The following SLC23A2 variants were observed in gnomAD, a reference collection of about 807,000 sequenced individuals.
SLC23A2 encodes solute carrier family 23 member 2, also known as Na(+)/L-ascorbic acid transporter 2.
In SLC23A2, 36 loss-of-function variants were observed where a neutral mutation model predicts 73.3. That is an observed-to-expected ratio of 0.49 (90% CI 0.38 to 0.65). The LOEUF is 0.65. Among genes scored for constraint, SLC23A2 ranks in the 30% least tolerant of loss-of-function variants. The pLI is 0.00. For synonymous variants in SLC23A2, 343 were observed against 327.3 expected (o/e 1.05, Z -0.52); for missense variants, 507 against 841.6 (o/e 0.60, Z 4.92).
At chr20:4,986,689 C>G (rs2203907) in intron 1 of SLC23A2, among the ~76,000 whole-genome samples, 2,430 of 129,948 alleles carry the variant, frequency 0.019, 66 homozygotes, top group African/African-American at 0.064. Context: ...CACACACACA[C>G]AGAGATGAAT....
chr20:4,939,560 G>A (rs751431218), intron 2 of SLC23A2, among the ~76,000 whole-genome samples: 4 of 152,192 alleles, frequency 2.6e-5, no homozygotes, highest in South Asian at 2.1e-4. Flanking sequence ...AAATGCCAGC[G>A]ACAAGCATCT....
chr20:4,982,807 C>T (rs573882997), intron 1 of SLC23A2, among the ~76,000 whole-genome samples: 3 of 151,804 alleles, frequency 2.0e-5, no homozygotes, highest in African/African-American at 7.3e-5. Context: ...ATGAGACAAC[C>T]GAAAGTCCAA....
upstream of SLC23A2, among the ~76,000 whole-genome samples, chr20:5,003,339 G>C (rs1030852233): frequency 6.6e-6 from 1 of 152,038 alleles, no homozygotes; most frequent in African/African-American, 2.4e-5. Flanking sequence ...AGCCGAGATC[G>C]CGCCACCGCA....
intron 1 of SLC23A2, among the ~76,000 whole-genome samples, chr20:4,981,529 T>G (rs959559687): frequency 6.6e-6 from 1 of 152,144 alleles, no homozygotes; most frequent in African/African-American, 2.4e-5. Context: ...CATCCGTAGT[T>G]TTTTAAAGTT....
intron 3 of SLC23A2, among the ~76,000 whole-genome samples, chr20:4,923,915 T>A (rs1012951433): frequency 6.6e-6 from 1 of 152,150 alleles, no homozygotes; most frequent in African/African-American, 2.4e-5. Context: ...GAAGCAGCCA[T>A]TAAATGGTTT....
intron 2 of SLC23A2, among the ~76,000 whole-genome samples, chr20:4,951,496 C>T (rs548806684): frequency 6.6e-6 from 1 of 152,224 alleles, no homozygotes; most frequent in African/African-American, 2.4e-5. Flanking sequence ...TCATCAGTGC[C>T]TCTCAAGCAG....
At chr20:4,903,233 G>C (rs982180694) in intron 4 of SLC23A2, among the ~76,000 whole-genome samples, 2 of 151,996 alleles carry the variant, frequency 1.3e-5, no homozygotes, top group African/African-American at 4.8e-5. Context: ...ATTAAGTGTG[G>C]CATGGTTTTT....
chr20:4,885,860 C>T lies in SLC23A2; in HGVS notation c.532G>A (p.Ala178Thr). Reference sequence around the variant, plus strand: ...TTCCATTTATCTAAAGACAGGATGGCTCGAGCAGGGGCCAAAAATGCAAAA... The same window carrying T: ...TTCCATTTATCTAAAGACAGGATGGTTCGAGCAGGGGCCAAAAATGCAAAA... ...SAFAFLAPAR[A>T]ILSLDKWKCN... The change falls in exon 7 of 17, where the codon GCC (alanine) becomes ACC (threonine). Residue 178 changes from alanine to threonine, a missense_variant. By Grantham distance (58) the Ala-to-Thr change is moderately conservative. Transcript: ENST00000338244. The T allele has an allele frequency of 6.2e-7, 1 of 1,613,940 alleles. No homozygotes were observed. The highest frequency in any genetic ancestry group is 8.5e-7 in the Non-Finnish European group (1 of 1,179,880).
chr20:4,935,490 T>C (rs555052467), intron 2 of SLC23A2, among the ~76,000 whole-genome samples: 42 of 152,240 alleles, frequency 2.8e-4, no homozygotes, highest in African/African-American at 9.9e-4. Flanking sequence ...CAAAGTCTGA[T>C]AGCCCTTAAT....
intron 6 of SLC23A2, among the ~76,000 whole-genome samples, chr20:4,887,130 T>C (rs1931133284): frequency 6.6e-6 from 1 of 152,148 alleles, no homozygotes; most frequent in Non-Finnish European, 1.5e-5. Context: ...GGCTACACCA[T>C]ACAAACCAGA....
chr20:4,874,512 C>T (rs1930579412), intron 10 of SLC23A2, 64 bp downstream of exon 10: 2 of 1,501,296 alleles, frequency 1.3e-6, no homozygotes, highest in Admixed American at 2.1e-5. Context: ...CCTCCCTTCA[C>T]TTAATCATCT....
At chr20:4,951,500 C>T (rs899118901) in intron 2 of SLC23A2, among the ~76,000 whole-genome samples, 16 of 152,254 alleles carry the variant, frequency 1.1e-4, no homozygotes, top group African/African-American at 3.9e-4. Flanking sequence ...CAGTGCCTCT[C>T]AAGCAGACTT....
intron 1 of SLC23A2, among the ~76,000 whole-genome samples, chr20:5,009,788 T>C (rs1391304477): frequency 1.3e-5 from 2 of 152,154 alleles, no homozygotes; most frequent in East Asian, 1.9e-4. Flanking sequence ...CAACAGGATA[T>C]ATAGAGGGAT....
Position 4,857,274 on chromosome 20 carries a change from TCAAA to T in SLC23A2, c.1721-74_1721-71del. 4.8e-6 allele frequency: 3 copies of T among 621,880 alleles called. No individual in the cohort carries two copies. Among genetic ancestry groups the T allele is most frequent in the South Asian group, 3.7e-5 (2 of 54,164 alleles). The allele number at this position is 621,880 out of a possible 1,614,324, so 38.5% of individuals were successfully genotyped here. A position where few individuals can be genotyped will look rare whatever the true frequency, so the allele number is the denominator to read the frequency against. On this transcript the variant is annotated intron_variant, in intron 16 of 16. Coordinates refer to ENST00000338244, the MANE Select transcript of SLC23A2 (RefSeq NM_005116.6). This position sits in a 1 kb window ranked among gnomAD's most constrained non-coding sequence, Gnocchi z 4.0. ...AGCTCTACTGAAAATGAAACTGTCG[TCAAA>T]CACATACACACACACACACACACAC...
In SLC23A2 at chr20:4,862,724, C is replaced by G; in HGVS notation, c.1486+54G>C. On this transcript the variant is annotated intron_variant, in intron 14 of 16. Coordinates refer to ENST00000338244, the MANE Select transcript of SLC23A2 (RefSeq NM_005116.6). The surrounding 1 kb of genome is among the most constrained non-coding windows in gnomAD (Gnocchi z 5.1). ...AAGGGAGTCAGCAAAAACACCATGA[C>G]CCCTATTAAAAATTTGGAAAAGTAA... 6.5e-7 allele frequency: 1 copy of G among 1,537,988 alleles called. No homozygotes were observed.
intron 3 of SLC23A2, among the ~76,000 whole-genome samples, chr20:4,922,537 G>A (rs1932530206): frequency 6.6e-6 from 1 of 152,150 alleles, no homozygotes; most frequent in Non-Finnish European, 1.5e-5. Context: ...CAGAAATTAA[G>A]AGGTGAGAGG....
At chr20:4,995,807 G>C (rs2088010131) in intron 1 of SLC23A2, among the ~76,000 whole-genome samples, 1 of 152,130 alleles carries the variant, frequency 6.6e-6, no homozygotes, top group Non-Finnish European at 1.5e-5. Context: ...GATGAAAAGC[G>C]TTAATACCCA....
At chr20:4,983,361 AGCAGGCTGGGC>A (rs1464205757) in intron 1 of SLC23A2, among the ~76,000 whole-genome samples, 1 of 151,984 alleles carries the variant, frequency 6.6e-6, no homozygotes, top group Non-Finnish European at 1.5e-5. Context: ...AAAAGACACA[AGCAGGCTGGGC>A]GCAGTGGCTC....
At chr20:4,946,845 G>A (rs887258850) in intron 2 of SLC23A2, among the ~76,000 whole-genome samples, 11 of 152,164 alleles carry the variant, frequency 7.2e-5, no homozygotes, top group African/African-American at 2.4e-4. Flanking sequence ...TGCTTTGTTT[G>A]TTTGGGGGTT....
Sources: allele counts gnomAD v4.1 joint callset (sites outside exome capture counted in the v4.1 genomes callset), GRCh38; gene constraint gnomAD v4.1.1; non-coding constraint Gnocchi (gnomAD v3.1); transcripts MANE v1.5; gene names NCBI Gene and HGNC (gene_info 2026-07-23, HGNC 2026-07-21).